The following TSC22D2 variants were observed in gnomAD, a reference collection of about 807,000 sequenced individuals.
TSC22D2 encodes TSC22 domain family protein 2.
A neutral mutation model predicts 50.1 loss-of-function variants in TSC22D2; 5 were observed. The ratio of observed to expected loss-of-function variants is 0.10; its 90% confidence interval spans 0.05 to 0.21. The LOEUF is 0.21. TSC22D2 is among the 10% of genes least tolerant of loss of function. The pLI is 1.00. For synonymous variants in TSC22D2, 501 were observed against 450.1 expected (o/e 1.11, Z -1.43); for missense variants, 1,003 against 1,015.5 (o/e 0.99, Z 0.17).
intron 1 of TSC22D2, among the ~76,000 whole-genome samples, chr3:150,427,332 GC>G (rs1720224715): frequency 6.6e-6 from 1 of 151,792 alleles, no homozygotes; most frequent in Non-Finnish European, 1.5e-5. Flanking sequence ...TCCTCTTCAT[GC>G]CCCCCATCAG....
chr3:150,416,738 T>C (rs1411142446), intron 1 of TSC22D2, among the ~76,000 whole-genome samples: 1 of 152,160 alleles, frequency 6.6e-6, no homozygotes, highest in Non-Finnish European at 1.5e-5. Context: ...CTTTAGGAAG[T>C]ATACTTTGAG....
chr3:150,445,322 T>TAA (rs974480569), intron 1 of TSC22D2, among the ~76,000 whole-genome samples: 2 of 40,626 alleles, frequency 4.9e-5, no homozygotes, highest in African/African-American at 1.6e-4. Flanking sequence ...TCAAAAATAA[T>TAA]AATAATAATA....
At chr3:150,430,395 T>G (rs550612452) in intron 1 of TSC22D2, among the ~76,000 whole-genome samples, 1 of 152,242 alleles carries the variant, frequency 6.6e-6, no homozygotes, top group Admixed American at 6.5e-5. Flanking sequence ...GAAGCCTGAA[T>G]TAGGCAATGG....
At position 150,409,699 on chromosome 3, in the gene TSC22D2, C is replaced by G; in HGVS notation, c.349C>G (p.Leu117Val). 1 of 1,587,376 alleles carries G rather than the reference C, an allele frequency of 6.3e-7. No homozygotes were observed. Among genetic ancestry groups the G allele is most frequent in the South Asian group, 1.1e-5 (1 of 89,678 alleles). ...TTCGGCCCGGAGCGTGTCTGGGGCG[C>G]TCGCCAGTACCCTGGCGGCGGCTGC... ...VVSARSVSGA[L>V]ASTLAAAATS... Residue 117 changes from leucine to valine, a missense_variant, in exon 1 of 3, where the codon CTC (leucine) becomes GTC (valine). Physicochemically the swap from Leu to Val is conservative, Grantham distance 32. Around this residue, in one of 6 missense-constraint regions of TSC22D2, gnomAD observed 200 missense variants for 182.8 expected, o/e 1.09. Coordinates refer to ENST00000688009, the MANE Select transcript of TSC22D2 (RefSeq NM_001303264.2). The surrounding 1 kb of genome is among the most constrained non-coding windows in gnomAD (Gnocchi z 7.4).
At position 150,409,742 on chromosome 3, in the gene TSC22D2, C is replaced by T. The variant is rs541627096; in HGVS notation, c.392C>T (p.Pro131Leu). ...GCGGCTGCCACTTCGGCCCCCGCCCCCGGAGCACCCGGCGGCCCCCAGCTC... is the reference window on the plus strand; with the variant it reads ...GCGGCTGCCACTTCGGCCCCCGCCCTCGGAGCACCCGGCGGCCCCCAGCTC... ...LAAAATSAPA[P>L]GAPGGPQLAG... Residue 131 changes from proline (P) to leucine (L), a missense_variant, in exon 1 of 3, where the codon CCC (proline) becomes CTC (leucine). Physicochemically the swap from Pro to Leu is moderately conservative, Grantham distance 98 (BLOSUM62 -3). This residue lies in a region of TSC22D2 where 200 missense variants were observed against 182.8 expected (regional missense o/e 1.09). Coordinates refer to ENST00000688009, the MANE Select transcript of TSC22D2 (RefSeq NM_001303264.2). The surrounding 1 kb of genome is among the most constrained non-coding windows in gnomAD (Gnocchi z 7.4). 21 of 1,601,414 alleles carry T rather than the reference C, an allele frequency of 1.3e-5. No homozygotes were observed. Among genetic ancestry groups the T allele is most frequent in the East Asian group, 1.1e-4 (5 of 44,742 alleles).
Position 150,409,553 on chromosome 3 carries a change from C to T in TSC22D2, c.203C>T (p.Ser68Phe), listed in dbSNP as rs1719417700. ...GPEEVCERSSSEETLNNVGDA... is the reference protein window; with the variant it reads ...GPEEVCERSSFEETLNNVGDA... ...GAGGAGGTCTGCGAGCGCAGCTCTT[C>T]CGAAGAGACGCTTAACAATGTTGGG... is the stretch of plus-strand genomic sequence containing the variant. The change falls in exon 1 of 3, where the codon TCC (serine) becomes TTC (phenylalanine). Residue 68 changes from serine to phenylalanine, a missense_variant. Transcript: ENST00000688009. This position sits in a 1 kb window ranked among gnomAD's most constrained non-coding sequence, Gnocchi z 7.4. 1 of 1,603,812 alleles carries T rather than the reference C, an allele frequency of 6.2e-7. No individual in the cohort carries two copies.
chr3:150,427,530 T>G (rs953972989), intron 1 of TSC22D2, among the ~76,000 whole-genome samples: 1 of 152,154 alleles, frequency 6.6e-6, no homozygotes, highest in African/African-American at 2.4e-5. Flanking sequence ...TGGAGATTGG[T>G]ATTGGTTAAA....
chr3:150,449,097 G>A (rs116721713), intron 1 of TSC22D2, among the ~76,000 whole-genome samples: 425 of 152,142 alleles, frequency 2.8e-3, no homozygotes, highest in African/African-American at 9.2e-3. Flanking sequence ...CAAGAAACAG[G>A]ATTTTTACAA....
intron 1 of TSC22D2, chr3:150,438,495 T>C (rs1720619400): frequency 6.4e-6 from 1 of 156,146 alleles, no homozygotes; most frequent in Non-Finnish European, 1.4e-5. Flanking sequence ...ATACTTGGAG[T>C]ATGTAAGCCT....
At chr3:150,432,746 C>T (rs114383623) in intron 1 of TSC22D2, among the ~76,000 whole-genome samples, 1 of 152,246 alleles carries the variant, frequency 6.6e-6, no homozygotes, top group Non-Finnish European at 1.5e-5. Context: ...TTTAAATTCA[C>T]ACCTCTTCAG....
chr3:150,445,961 G>A (rs540815244), intron 1 of TSC22D2, among the ~76,000 whole-genome samples: 4 of 151,972 alleles, frequency 2.6e-5, no homozygotes, highest in Non-Finnish European at 5.9e-5. Context: ...GGGCATGGTG[G>A]TGCACACCTG....
At chr3:150,438,255 C>T (rs950950093) in intron 1 of TSC22D2, 1 of 415,930 alleles carries the variant, frequency 2.4e-6, no homozygotes, top group African/African-American at 2.0e-5. Context: ...GATCGAAAGC[C>T]GAAAGTTTAA....
intron 1 of TSC22D2, among the ~76,000 whole-genome samples, 154 bp downstream of exon 1, chr3:150,411,462 T>C (rs1719566690): frequency 6.6e-6 from 1 of 152,222 alleles, no homozygotes; most frequent in Admixed American, 6.5e-5. Flanking sequence ...TTGCTGATGC[T>C]GATGTCAAAG....
chr3:150,442,097 T>C (rs1465967105), intron 1 of TSC22D2, among the ~76,000 whole-genome samples: 1 of 152,234 alleles, frequency 6.6e-6, no homozygotes, highest in African/African-American at 2.4e-5. Context: ...TTAAGTTTTC[T>C]AATGTGGCCA....
chr3:150,422,949 C>T lies in TSC22D2; in HGVS notation c.1958+11641C>T, dbSNP rs76533897. 3.4e-3 allele frequency: 2,629 copies of T among 783,276 alleles called. 67 individuals are homozygous for T. The African/African-American group carries it at 0.043, about 13-fold the overall frequency. 48.5% of individuals were successfully genotyped at this position (783,276 alleles called of 1,614,324 possible). On this transcript the variant is annotated intron_variant, in intron 1 of 2. Transcript: ENST00000688009. ...AAAATCTTTTTATTATTAAAAGTTA[C>T]ACTGTATTAGAAATCTAAAATCTTC...
intron 1 of TSC22D2, among the ~76,000 whole-genome samples, chr3:150,431,539 A>C (rs1474518360): frequency 6.6e-6 from 1 of 152,120 alleles, no homozygotes; most frequent in Admixed American, 6.5e-5. Flanking sequence ...ATATGTAAGT[A>C]CTTGTGTTAG....
At chr3:150,447,206 AGAG>A (rs1720913721) in intron 1 of TSC22D2, among the ~76,000 whole-genome samples, 1 of 152,194 alleles carries the variant, frequency 6.6e-6, no homozygotes, top group Admixed American at 6.5e-5. Flanking sequence ...TGCTTGAGAA[AGAG>A]GAGGCAAATG....
chr3:150,409,745 G>T lies in TSC22D2; in HGVS notation c.395G>T (p.Gly132Val). 6.2e-7 allele frequency: 1 copy of T among 1,601,562 alleles called. No individual in the cohort carries two copies. Among genetic ancestry groups the T allele is most frequent in the Non-Finnish European group, 8.5e-7 (1 of 1,178,058 alleles). The change falls in exon 1 of 3, where the codon GGA becomes GTA. Residue 132 changes from glycine to valine, a missense_variant. Around this residue, in one of 6 missense-constraint regions of TSC22D2, gnomAD observed 200 missense variants for 182.8 expected, o/e 1.09. Transcript: ENST00000688009. This position sits in a 1 kb window ranked among gnomAD's most constrained non-coding sequence, Gnocchi z 7.4. ...AAAATSAPAP[G>V]APGGPQLAGS... The stretch of plus-strand genomic sequence containing the variant: ...GCTGCCACTTCGGCCCCCGCCCCCG[G>T]AGCACCCGGCGGCCCCCAGCTCGCG...
chr3:150,452,275 G>A (rs577892489), intron 1 of TSC22D2, among the ~76,000 whole-genome samples: 43 of 152,016 alleles, frequency 2.8e-4, no homozygotes, highest in African/African-American at 8.4e-4. Flanking sequence ...GAGAAACCCC[G>A]TCTCCACTAA....
Sources: gnomAD v4.1 joint callset for allele counts (sites outside exome capture counted in the v4.1 genomes callset) on GRCh38, gnomAD v4.1.1 for gene constraint, gnomAD v4.1.1 regional missense constraint, Gnocchi (gnomAD v3.1) non-coding constraint, MANE v1.5 for transcripts, NCBI Gene and HGNC (gene_info 2026-07-23, HGNC 2026-07-21) for gene names.